Variants in ARL15 observed in about 807,000 individuals in gnomAD.
ARL15 encodes the protein ADP-ribosylation factor-like protein 15.
A neutral mutation model predicts 25.2 loss-of-function variants in ARL15; 19 were observed. That is an observed-to-expected ratio of 0.75 (90% CI 0.53 to 1.10). The LOEUF (loss-of-function observed/expected upper bound fraction) is 1.10, where lower values mean the gene tolerates loss of function less well. Ranked by LOEUF, ARL15 falls within the 50% of genes least tolerant of loss-of-function variation. The probability of loss-of-function intolerance (pLI) is 0.00; values close to 1 mark genes in which losing one functional copy is unlikely to be tolerated. For missense variants in ARL15, 220 were observed against 246.0 expected (o/e 0.89, Z 0.71); for synonymous variants, 94 against 86.8 (o/e 1.08, Z -0.46).
chr5:54,001,509 T>C (rs6881865), intron 4 of ARL15, among the ~76,000 whole-genome samples: 3,783 of 152,272 alleles, frequency 0.025, 162 homozygotes, highest in African/African-American at 0.087. Context: ...TATGGAAAGC[T>C]ACAAAAATAA....
chr5:54,220,923 T>C lies in ARL15; in HGVS notation c.49-48995A>G, dbSNP rs561484006. 3.0e-4 allele frequency among the ~76,000 whole-genome samples: 45 copies of C among 152,110 alleles called. No individual in the cohort carries two copies. The East Asian group carries it at 3.7e-3, about 12-fold the overall frequency. On this transcript the variant is annotated intron_variant, in intron 1 of 4. Coordinates refer to ENST00000504924, the MANE Select transcript of ARL15 (RefSeq NM_019087.3). ...TAAGAGTGAAATCAGTAGACATGTGTCTTTTTTTTTTCCCTTTAATTCTGA... is the reference window on the plus strand; with the variant it reads ...TAAGAGTGAAATCAGTAGACATGTGCCTTTTTTTTTTCCCTTTAATTCTGA...
intron 4 of ARL15, among the ~76,000 whole-genome samples, chr5:54,003,319 T>C (rs1449566961): frequency 3.3e-5 from 5 of 152,198 alleles, no homozygotes; most frequent in African/African-American, 1.2e-4. Context: ...TGCTTCAAAT[T>C]TGGCCAACAA....
At chr5:54,070,973 A>T (rs970973357) in intron 4 of ARL15, among the ~76,000 whole-genome samples, 5 of 151,908 alleles carry the variant, frequency 3.3e-5, no homozygotes, top group Non-Finnish European at 7.4e-5. Flanking sequence ...ATTCGAGACC[A>T]GCCTGGGCAA....
At chr5:54,163,325 A>G (rs1754462615) in intron 2 of ARL15, among the ~76,000 whole-genome samples, 1 of 78,974 alleles carries the variant, frequency 1.3e-5, no homozygotes, top group Non-Finnish European at 2.6e-5. Flanking sequence ...TAATTTTTGT[A>G]TCTGTGTCCA....
chr5:54,026,370 G>A (rs1283552841), intron 4 of ARL15, among the ~76,000 whole-genome samples: 3 of 152,250 alleles, frequency 2.0e-5, no homozygotes, highest in Middle Eastern at 6.8e-3. Flanking sequence ...TCAGGCTCAG[G>A]TGATCCTCCC....
At chr5:53,947,140 G>T (rs1434743951) in intron 4 of ARL15, among the ~76,000 whole-genome samples, 1 of 147,410 alleles carries the variant, frequency 6.8e-6, no homozygotes, top group Non-Finnish European at 1.5e-5. Flanking sequence ...GTAAACAAAG[G>T]TCTAGCCAAA....
intron 4 of ARL15, among the ~76,000 whole-genome samples, chr5:53,917,494 C>T (rs968232774): frequency 7.9e-5 from 12 of 152,122 alleles, no homozygotes; most frequent in African/African-American, 1.2e-4. Context: ...ACATATACTC[C>T]ATAGGCACTA....
intron 4 of ARL15, among the ~76,000 whole-genome samples, chr5:53,971,876 T>C (rs564106961): frequency 6.6e-6 from 1 of 152,328 alleles, no homozygotes; most frequent in East Asian, 1.9e-4. Context: ...TGTTTGCTTC[T>C]CAACAATTGC....
intron 4 of ARL15, among the ~76,000 whole-genome samples, chr5:54,000,720 CA>C (rs964139500): frequency 2.6e-5 from 4 of 151,728 alleles, no homozygotes; most frequent in Non-Finnish European, 5.9e-5. Context: ...AATTCCTAAC[CA>C]AAAAAAGGGA....
At chr5:53,898,895 C>T (rs528484007) in intron 4 of ARL15, among the ~76,000 whole-genome samples, 1 of 152,172 alleles carries the variant, frequency 6.6e-6, no homozygotes, top group East Asian at 1.9e-4. Context: ...CTCAAGCAAT[C>T]CTCCTCTCTT....
chr5:54,209,285 C>A (rs1755965289), intron 1 of ARL15, among the ~76,000 whole-genome samples: 1 of 149,610 alleles, frequency 6.7e-6, no homozygotes, highest in African/African-American at 2.5e-5. Flanking sequence ...CAAGAAGTAG[C>A]TATATAAGTA....
chr5:54,048,971 A>C (rs1750622112), intron 4 of ARL15, among the ~76,000 whole-genome samples: 1 of 151,990 alleles, frequency 6.6e-6, no homozygotes, highest in Admixed American at 6.6e-5. Flanking sequence ...GGGTCCCTGA[A>C]CCCATCCTGT....
intron 4 of ARL15, among the ~76,000 whole-genome samples, chr5:53,916,431 T>C (rs1253120779): frequency 2.5e-5 from 2 of 80,024 alleles, no homozygotes; most frequent in African/African-American, 4.4e-5. Flanking sequence ...CAAAATGATT[T>C]GTACACCAAA....
At chr5:54,114,622 ACT>A (rs1249518120) in intron 3 of ARL15, among the ~76,000 whole-genome samples, 1 of 151,978 alleles carries the variant, frequency 6.6e-6, no homozygotes, top group Non-Finnish European at 1.5e-5. Flanking sequence ...ATTTAGTCCA[ACT>A]CTCTGAGGAA....
At chr5:53,924,269 T>C (rs886913050) in intron 4 of ARL15, among the ~76,000 whole-genome samples, 1 of 152,242 alleles carries the variant, frequency 6.6e-6, no homozygotes, top group Non-Finnish European at 1.5e-5. Flanking sequence ...GTCTTTTACT[T>C]TTATTAGCTT....
At chr5:54,275,785 C>T (rs564321256) in intron 1 of ARL15, among the ~76,000 whole-genome samples, 205 of 151,592 alleles carry the variant, frequency 1.4e-3, no homozygotes, top group Non-Finnish European at 2.4e-3. Context: ...CCCCGGTTCA[C>T]GCTATTCTCC....
At chr5:54,092,201 A>G (rs1752150203) in intron 4 of ARL15, among the ~76,000 whole-genome samples, 1 of 152,152 alleles carries the variant, frequency 6.6e-6, no homozygotes. Context: ...ATTCCAAGTG[A>G]TGTCCACAAT....
At chr5:53,902,469 C>A (rs1354996843) in intron 4 of ARL15, among the ~76,000 whole-genome samples, 1 of 152,168 alleles carries the variant, frequency 6.6e-6, no homozygotes, top group East Asian at 1.9e-4. Context: ...GGTTATTTGG[C>A]TTTTGTAATG....
At chr5:54,143,294 A>T (rs967437713) in intron 3 of ARL15, among the ~76,000 whole-genome samples, 1 of 152,090 alleles carries the variant, frequency 6.6e-6, no homozygotes, top group African/African-American at 2.4e-5. Context: ...TTAAATATTT[A>T]AAGGTTCATG....
Sources: gnomAD v4.1 joint callset for allele counts (sites outside exome capture counted in the v4.1 genomes callset) on GRCh38, gnomAD v4.1.1 for gene constraint, MANE v1.5 for transcripts, NCBI Gene and HGNC (gene_info 2026-07-23, HGNC 2026-07-21) for gene names.